GABBR2: variants seen among roughly 807,000 people sequenced by gnomAD.
The protein encoded by GABBR2 is G-protein coupled receptor 51.
In GABBR2, 23 loss-of-function variants were observed where a neutral mutation model predicts 105.6. The ratio of observed to expected loss-of-function variants is 0.22; its 90% confidence interval spans 0.16 to 0.31. GABBR2 has a LOEUF of 0.31. Among genes scored for constraint, GABBR2 ranks in the 10% least tolerant of loss-of-function variants. The pLI is 1.00. For missense variants in GABBR2, 734 were observed against 1,245.5 expected (o/e 0.59, Z 6.18); for synonymous variants, 478 against 499.7 (o/e 0.96, Z 0.58).
At chr9:98,579,352 GC>G (rs1828968116) in intron 1 of GABBR2, among the ~76,000 whole-genome samples, 1 of 152,134 alleles carries the variant, frequency 6.6e-6, no homozygotes, top group South Asian at 2.1e-4. Flanking sequence ...GAGGCCAGGG[GC>G]CCACGACGAG....
At chr9:98,462,302 T>C (rs902734283) in intron 6 of GABBR2, among the ~76,000 whole-genome samples, 1 of 152,176 alleles carries the variant, frequency 6.6e-6, no homozygotes, top group African/African-American at 2.4e-5. Flanking sequence ...GACTAATACA[T>C]TGGATTACAT....
intron 1 of GABBR2, among the ~76,000 whole-genome samples, chr9:98,627,920 C>T (rs993935924): frequency 1.3e-4 from 20 of 152,282 alleles, no homozygotes; most frequent in African/African-American, 3.4e-4. Context: ...CTTAAATTGG[C>T]GTGTTCAATT....
intron 3 of GABBR2, among the ~76,000 whole-genome samples, chr9:98,515,342 C>A (rs138194877): frequency 6.6e-6 from 1 of 152,280 alleles, no homozygotes; most frequent in Non-Finnish European, 1.5e-5. Context: ...ATAAGCTGGA[C>A]GAGCAGTGCG....
intron 1 of GABBR2, among the ~76,000 whole-genome samples, chr9:98,643,294 G>C (rs1451432909): frequency 6.6e-6 from 1 of 152,214 alleles, no homozygotes; most frequent in Non-Finnish European, 1.5e-5. Context: ...CGATGGATGG[G>C]GCAGCGACAG....
chr9:98,389,680 C>G (rs1332868760), intron 9 of GABBR2, among the ~76,000 whole-genome samples: 1 of 152,216 alleles, frequency 6.6e-6, no homozygotes, highest in Non-Finnish European at 1.5e-5. Context: ...GCTCATTCTT[C>G]AAGAGCACAA....
intron 7 of GABBR2, among the ~76,000 whole-genome samples, chr9:98,406,454 C>G (rs1564055154): frequency 6.6e-6 from 1 of 152,220 alleles, no homozygotes; most frequent in Admixed American, 6.5e-5. Flanking sequence ...ATAATGGGGA[C>G]GACGTCTTCT....
chr9:98,670,963 C>T (rs568772344), intron 1 of GABBR2, among the ~76,000 whole-genome samples: 1 of 152,246 alleles, frequency 6.6e-6, no homozygotes, highest in South Asian at 2.1e-4. Context: ...TGTACATACA[C>T]TTAAAATGGC....
intron 1 of GABBR2, among the ~76,000 whole-genome samples, chr9:98,699,176 G>A (rs928159820): frequency 6.6e-5 from 10 of 152,176 alleles, no homozygotes; most frequent in South Asian, 2.1e-4. Flanking sequence ...ACTGGTTAGC[G>A]TATTGCTCCA....
chr9:98,427,270 C>T (rs1825710707), intron 7 of GABBR2, among the ~76,000 whole-genome samples: 1 of 152,146 alleles, frequency 6.6e-6, no homozygotes, highest in Non-Finnish European at 1.5e-5. Flanking sequence ...CTCCTTTCCC[C>T]TCCCACCTCT....
intron 1 of GABBR2, among the ~76,000 whole-genome samples, chr9:98,707,733 AGGG>A (rs140340504): frequency 3.5e-4 from 53 of 152,340 alleles, no homozygotes; most frequent in African/African-American, 1.2e-3. Flanking sequence ...GAGAACTGCC[AGGG>A]CACTTTCTGA....
At chr9:98,692,744 G>A (rs1830699480) in intron 1 of GABBR2, among the ~76,000 whole-genome samples, 1 of 152,156 alleles carries the variant, frequency 6.6e-6, no homozygotes, top group East Asian at 1.9e-4. Context: ...TGGGACTAAG[G>A]GCAAGAATTC....
chr9:98,643,905 C>T (rs1829999074), intron 1 of GABBR2, among the ~76,000 whole-genome samples: 1 of 152,182 alleles, frequency 6.6e-6, no homozygotes, highest in Non-Finnish European at 1.5e-5. Context: ...AGGGAAGGGA[C>T]AAGGGAGCCA....
At chr9:98,472,625 A>G (rs1826708420) in intron 6 of GABBR2, among the ~76,000 whole-genome samples, 1 of 152,232 alleles carries the variant, frequency 6.6e-6, no homozygotes. Context: ...GTGGCCCCTA[A>G]AAATATATAT....
At chr9:98,296,215 C>T (rs1360729484) in intron 17 of GABBR2, among the ~76,000 whole-genome samples, 1 of 152,188 alleles carries the variant, frequency 6.6e-6, no homozygotes, top group East Asian at 1.9e-4. Context: ...TTACCCCTTC[C>T]ACTCCTTCTG....
intron 3 of GABBR2, among the ~76,000 whole-genome samples, chr9:98,503,554 G>C (rs2131682352): frequency 6.6e-6 from 1 of 152,276 alleles, no homozygotes; most frequent in Middle Eastern, 3.4e-3. Flanking sequence ...GATTCTGGAG[G>C]CTAGATGATA....
chr9:98,622,893 G>A (rs1256113966), intron 1 of GABBR2, among the ~76,000 whole-genome samples: 1 of 152,184 alleles, frequency 6.6e-6, no homozygotes, highest in Non-Finnish European at 1.5e-5. Flanking sequence ...CTGTAATGGT[G>A]GCTATGTATC....
chr9:98,439,178 A>G (rs1161136156), intron 7 of GABBR2, among the ~76,000 whole-genome samples: 3 of 152,174 alleles, frequency 2.0e-5, no homozygotes, highest in Non-Finnish European at 4.4e-5. Flanking sequence ...ATTCAAATAA[A>G]CATGCAACAT....
chr9:98,634,246 T>C (rs1829851373), intron 1 of GABBR2, among the ~76,000 whole-genome samples: 1 of 152,234 alleles, frequency 6.6e-6, no homozygotes, highest in South Asian at 2.1e-4. Flanking sequence ...AAAAAGAATG[T>C]GGAACTTCTA....
At chr9:98,343,292 CG>C (rs1831245821) in intron 13 of GABBR2, among the ~76,000 whole-genome samples, 2 of 152,274 alleles carry the variant, frequency 1.3e-5, no homozygotes, top group South Asian at 4.1e-4. Flanking sequence ...GAGAAGACTT[CG>C]GGGTGTGCAG....
Sources: gnomAD v4.1 joint callset for allele counts (sites outside exome capture counted in the v4.1 genomes callset) on GRCh38, gnomAD v4.1.1 for gene constraint, MANE v1.5 for transcripts, NCBI Gene and HGNC (gene_info 2026-07-23, HGNC 2026-07-21) for gene names.